Variants in NSUN4 observed in about 807,000 individuals in gnomAD.
The protein encoded by NSUN4 is 5-cytosine rRNA methyltransferase NSUN4.
NSUN4 carries 31 observed loss-of-function variants against 43.8 expected under a neutral mutation model. The observed-to-expected ratio is 0.71, with a 90% CI of 0.53 to 0.96. NSUN4 has a LOEUF of 0.96. Ranked by LOEUF, NSUN4 falls within the 40% of genes least tolerant of loss-of-function variation. The pLI is 0.00. For missense variants in NSUN4, 439 were observed against 475.6 expected (o/e 0.92, Z 0.72); for synonymous variants, 167 against 184.1 (o/e 0.91, Z 0.75).
At chr1:46,379,024 G>A in the NSUN4 span, among the ~76,000 whole-genome samples, 8 of 152,320 alleles carry the variant, frequency 5.3e-5, no homozygotes, top group African/African-American at 1.9e-4. Flanking sequence ...TACATGGGTA[G>A]GGAAATAGAC....
chr1:46,345,661 T>C (rs67487250), intron 2 of NSUN4, among the ~76,000 whole-genome samples: 34,139 of 152,110 alleles, frequency 0.22, 4,300 homozygotes, highest in Non-Finnish European at 0.29. Flanking sequence ...ATAGGGCTGG[T>C]CTAGGGGCAC....
chr1:46,356,836 A>G (rs1347974280), intron 4 of NSUN4, among the ~76,000 whole-genome samples: 2 of 151,874 alleles, frequency 1.3e-5, no homozygotes, highest in African/African-American at 2.4e-5. Flanking sequence ...GAAGACACTA[A>G]CCCCCCCATG....
At chr1:46,341,120 C>A (rs949450795) in intron 1 of NSUN4, 32 of 1,267,012 alleles carry the variant, frequency 2.5e-5, no homozygotes, top group Non-Finnish European at 6.2e-6. Flanking sequence ...CCACTTGTTA[C>A]GTCTGCAGTC....
At chr1:46,372,314 T>G in the NSUN4 span, among the ~76,000 whole-genome samples, 2 of 151,766 alleles carry the variant, frequency 1.3e-5, no homozygotes, top group Non-Finnish European at 2.9e-5. Context: ...CTGGTTTTTT[T>G]TTGTATTTTT....
At chr1:46,352,616 A>G (rs72677592) in intron 3 of NSUN4, among the ~76,000 whole-genome samples, 33,043 of 151,850 alleles carry the variant, frequency 0.22, 4,142 homozygotes, top group Non-Finnish European at 0.29. Context: ...GAAAGGAGAA[A>G]GGAAAGGAGT....
downstream of NSUN4, chr1:46,365,195 A>G (rs770218359): frequency 3.3e-5 from 5 of 152,092 alleles, no homozygotes; most frequent in Admixed American, 6.5e-5. Flanking sequence ...TTATTGCTGA[A>G]TTGTATTCCA....
intron 1 of NSUN4, 110 bp downstream of exon 1, chr1:46,341,029 G>A: frequency 8.3e-7 from 1 of 1,206,970 alleles, no homozygotes; most frequent in East Asian, 2.6e-5. Context: ...GCACTCCACG[G>A]AACGTCCTTA....
At chr1:46,366,108 A>G (rs1664127788), downstream of NSUN4, among the ~76,000 whole-genome samples, 1 of 152,212 alleles carries the variant, frequency 6.6e-6, no homozygotes, top group South Asian at 2.1e-4. Context: ...AGCCTGGGCA[A>G]CAGAGGGAGA....
intron 4 of NSUN4, among the ~76,000 whole-genome samples, chr1:46,355,783 G>T (rs574336573): frequency 2.6e-5 from 4 of 152,282 alleles, no homozygotes; most frequent in African/African-American, 9.6e-5. Context: ...GGGAGGCCAA[G>T]GTGGGTGGAT....
chr1:46,349,878 G>A (rs1662853094), intron 3 of NSUN4, among the ~76,000 whole-genome samples: 2 of 152,166 alleles, frequency 1.3e-5, no homozygotes, highest in African/African-American at 2.4e-5. Context: ...TGGAGGAGGA[G>A]GAACTTGAAC....
At chr1:46,342,525 AT>A (rs1662187270) in intron 1 of NSUN4, 1 of 399,084 alleles carries the variant, frequency 2.5e-6, no homozygotes, top group Admixed American at 4.4e-5. Flanking sequence ...GAAGGCTTGC[AT>A]TGAGTCCCTT....
At chr1:46,360,249 A>AATATATATATATATAT (rs773980804) in intron 4 of NSUN4, among the ~76,000 whole-genome samples, 3 of 25,754 alleles carry the variant, frequency 1.2e-4, no homozygotes, top group East Asian at 1.7e-3. Flanking sequence ...AAAAAAAAAA[A>AATATATATATATATAT]ATATATATAT....
chr1:46,356,690 CAA>C (rs1289819570), intron 4 of NSUN4, among the ~76,000 whole-genome samples: 10 of 141,824 alleles, frequency 7.1e-5, no homozygotes, highest in South Asian at 2.3e-4. Context: ...GATTCCGTCT[CAA>C]AAAAAAAAAA....
intron 3 of NSUN4, among the ~76,000 whole-genome samples, chr1:46,349,225 C>T (rs754605149): frequency 1.3e-5 from 2 of 151,448 alleles, no homozygotes; most frequent in Admixed American, 6.6e-5. Context: ...CTGCAAACTC[C>T]GCCTCCCGGG....
intron 5 of NSUN4, among the ~76,000 whole-genome samples, chr1:46,361,101 C>G (rs184684118): frequency 1.3e-5 from 2 of 151,950 alleles, no homozygotes; most frequent in African/African-American, 4.8e-5. Context: ...GAGCTGAGAT[C>G]GTGCCACTGC....
At chr1:46,359,465 C>T (rs967569539) in intron 4 of NSUN4, among the ~76,000 whole-genome samples, 6 of 149,304 alleles carry the variant, frequency 4.0e-5, no homozygotes, top group Non-Finnish European at 8.9e-5. Flanking sequence ...CTGCTACCTC[C>T]GCCTCCCAGG....
chr1:46,352,210 G>T (rs376002374), intron 3 of NSUN4, among the ~76,000 whole-genome samples: 2 of 151,198 alleles, frequency 1.3e-5, no homozygotes, highest in South Asian at 4.2e-4. Context: ...TAGCACTTTG[G>T]GAGGCCAAGG....
Position 46,361,815 on chromosome 1 carries a change from T to G in NSUN4, c.1124T>G (p.Met375Arg), listed in dbSNP as rs764905801. Residue 375 changes from methionine to arginine, a missense_variant, in exon 6 of 6, where the codon ATG becomes AGG. Met to Arg is a moderately conservative substitution (Grantham distance 91, BLOSUM62 -1). Coordinates refer to ENST00000474844, the MANE Select transcript of NSUN4 (RefSeq NM_199044.4). ...IPNLMANFGP[M>R]YFCKMRRLT ...AACCTCATGGCCAATTTTGGCCCCA[T>G]GTACTTCTGCAAAATGCGTAGGCTG... The G allele has an allele frequency of 1.2e-6, 2 of 1,614,202 alleles. No homozygotes were observed. Among genetic ancestry groups the G allele is most frequent in the South Asian group, 1.1e-5 (1 of 91,082 alleles).
intron 1 of NSUN4, chr1:46,342,947 C>G: frequency 2.5e-6 from 1 of 399,590 alleles, no homozygotes; most frequent in East Asian, 3.6e-5. Context: ...CAAATTCCAG[C>G]CCCAAAGAAC....
Sources: allele counts gnomAD v4.1 joint callset (sites outside exome capture counted in the v4.1 genomes callset), GRCh38; gene constraint gnomAD v4.1.1; transcripts MANE v1.5; gene names NCBI Gene and HGNC (gene_info 2026-07-23, HGNC 2026-07-21).